Variants in OTUD7A observed in about 807,000 individuals in gnomAD.
OTUD7A encodes the protein OTU deubiquitinase 7A.
Under a neutral mutation model 65.7 loss-of-function variants are expected in OTUD7A, and 12 were observed. The observed-to-expected ratio is 0.18, with a 90% CI of 0.12 to 0.30. The LOEUF (loss-of-function observed/expected upper bound fraction) is 0.30. OTUD7A is among the 10% of genes least tolerant of loss of function. The probability of loss-of-function intolerance (pLI) is 1.00; values close to 1 mark genes in which losing one functional copy is unlikely to be tolerated. For synonymous variants in OTUD7A, 641 were observed against 586.3 expected (o/e 1.09, Z -1.35); for missense variants, 1,148 against 1,304.8 (o/e 0.88, Z 1.85).
In OTUD7A at chr15:31,782,616, C is replaced by A. The variant is rs556331221; in HGVS notation, c.-100+87891G>T. Among the ~76,000 whole-genome samples the A allele has an allele frequency of 1.3e-4, 20 of 152,316 alleles. No individual in the cohort carries two copies. In the East Asian group the frequency reaches 3.9e-3, roughly 29 times the overall value. ...CTGGTGAAGGGTGGCGGCAGCAGTA[C>A]TGGCCAGAGGCGCTGGGACCCAGGA... On this transcript the variant is annotated intron_variant, in intron 1 of 12. Coordinates refer to ENST00000307050, the MANE Select transcript of OTUD7A (RefSeq NM_001382637.1).
At chr15:31,821,849 T>G (rs1896690695) in intron 1 of OTUD7A, among the ~76,000 whole-genome samples, 1 of 152,242 alleles carries the variant, frequency 6.6e-6, no homozygotes, top group Admixed American at 6.5e-5. Flanking sequence ...TTGGTTTTTG[T>G]GTTGTAATGA....
At chr15:31,606,899 C>T (rs528339670) in intron 3 of OTUD7A, among the ~76,000 whole-genome samples, 10 of 152,236 alleles carry the variant, frequency 6.6e-5, no homozygotes, top group African/African-American at 2.4e-4. Flanking sequence ...TACTACTGTC[C>T]GCTTATTCCA....
chr15:31,757,656 ATC>A (rs1894853215), intron 1 of OTUD7A, among the ~76,000 whole-genome samples: 1 of 152,140 alleles, frequency 6.6e-6, no homozygotes, highest in African/African-American at 2.4e-5. Context: ...AGGAGACAAA[ATC>A]TCTCTTCCAA....
intron 1 of OTUD7A, among the ~76,000 whole-genome samples, chr15:31,658,839 C>T (rs1892068782): frequency 6.7e-6 from 1 of 150,040 alleles, no homozygotes; most frequent in African/African-American, 2.5e-5. Context: ...GGCAGCCTGG[C>T]CAACATGGTG....
In OTUD7A at chr15:31,742,704, C is replaced by T. The variant is rs552315283; in HGVS notation, c.-99-85627G>A. Among the ~76,000 whole-genome samples the T allele has an allele frequency of 2.0e-5, 3 of 152,084 alleles. No homozygotes were observed. The South Asian group carries it at 6.2e-4, about 31-fold the overall frequency. On this transcript the variant is annotated intron_variant, in intron 1 of 12. Transcript: ENST00000307050. ...TTAAGTCAGAGATAGAAAAGCAAAA[C>T]CCGAATAGACTTTATTTACAGATAC...
chr15:31,636,616 G>A (rs1446583925), intron 3 of OTUD7A, among the ~76,000 whole-genome samples: 3 of 152,100 alleles, frequency 2.0e-5, no homozygotes, highest in South Asian at 4.1e-4. Flanking sequence ...TAGTGAGGAA[G>A]GCATTTTAAA....
intron 5 of OTUD7A, among the ~76,000 whole-genome samples, chr15:31,551,985 G>A (rs1281367937): frequency 6.6e-6 from 1 of 152,206 alleles, no homozygotes. Flanking sequence ...CCAATGTTGA[G>A]GGGGGCCTGG....
In OTUD7A at chr15:31,487,181, C is replaced by T. The variant is rs761436604; in HGVS notation, c.1371+13G>A. 2.5e-6 allele frequency: 4 copies of T among 1,612,126 alleles called. No homozygotes were observed. The highest frequency in any genetic ancestry group is 1.1e-5 in the South Asian group (1 of 90,842). On this transcript the variant is annotated intron_variant, in intron 12 of 12. Coordinates refer to ENST00000307050, the MANE Select transcript of OTUD7A (RefSeq NM_001382637.1). This position sits in a 1 kb window ranked among gnomAD's most constrained non-coding sequence, Gnocchi z 6.0. ...CCTGCTGCCAGGTCTGGTCCCAGCA[C>T]AGCCAGGCTCACCCGTGTCTCGGAG...
intron 1 of OTUD7A, among the ~76,000 whole-genome samples, chr15:31,710,231 T>C (rs1468883358): frequency 1.3e-5 from 2 of 149,692 alleles, no homozygotes; most frequent in African/African-American, 4.9e-5. Context: ...GTCTTTTTTG[T>C]AATCAGAAAA....
chr15:31,579,068 T>C (rs779991983), intron 3 of OTUD7A, among the ~76,000 whole-genome samples: 9 of 152,154 alleles, frequency 5.9e-5, no homozygotes, highest in Non-Finnish European at 1.0e-4. Flanking sequence ...GAGAATCAAA[T>C]ATGCACAAAA....
intron 5 of OTUD7A, among the ~76,000 whole-genome samples, chr15:31,551,262 G>A (rs1888314247): frequency 6.6e-6 from 1 of 152,154 alleles, no homozygotes; most frequent in Non-Finnish European, 1.5e-5. Context: ...AGAATGTGGT[G>A]CCCGAGATAA....
chr15:31,832,826 A>C (rs1896968522), intron 1 of OTUD7A, among the ~76,000 whole-genome samples: 1 of 152,154 alleles, frequency 6.6e-6, no homozygotes, highest in Admixed American at 6.5e-5. Flanking sequence ...AATATGCCAG[A>C]TTTTGCTTAT....
chr15:31,576,626 C>T (rs1456043361), intron 3 of OTUD7A, among the ~76,000 whole-genome samples: 1 of 152,164 alleles, frequency 6.6e-6, no homozygotes, highest in Non-Finnish European at 1.5e-5. Flanking sequence ...ACCTTGGGTA[C>T]ATGCACTCAG....
At chr15:31,545,509 A>C (rs1888103134) in intron 5 of OTUD7A, among the ~76,000 whole-genome samples, 1 of 152,138 alleles carries the variant, frequency 6.6e-6, no homozygotes, top group Admixed American at 6.6e-5. Flanking sequence ...TTGGCAATAC[A>C]CACCTGACAA....
chr15:31,800,139 A>C (rs1309841891), intron 1 of OTUD7A, among the ~76,000 whole-genome samples: 1 of 152,156 alleles, frequency 6.6e-6, no homozygotes, highest in African/African-American at 2.4e-5. Context: ...TTAATAACAC[A>C]AGGTACTCAG....
chr15:31,769,893 T>C (rs1895188986), intron 1 of OTUD7A, among the ~76,000 whole-genome samples: 1 of 152,206 alleles, frequency 6.6e-6, no homozygotes, highest in African/African-American at 2.4e-5. Context: ...ATTGTGATAG[T>C]GGTTAAATAA....
At chr15:31,550,922 C>T (rs1888302225) in intron 5 of OTUD7A, among the ~76,000 whole-genome samples, 2 of 152,144 alleles carry the variant, frequency 1.3e-5, no homozygotes, top group East Asian at 1.9e-4. Context: ...CAGAGAAACA[C>T]CTGAATGCTC....
At chr15:31,610,617 A>ATATTTTTTTTTTTTTTTTTTTTTTT in intron 3 of OTUD7A, among the ~76,000 whole-genome samples, 1 of 30,562 alleles carries the variant, frequency 3.3e-5, no homozygotes, top group Non-Finnish European at 4.9e-5. Context: ...ATATATATAT[A>ATATTTTTTTTTTTTTTTTTTTTTTT]TTTTTTTTTT....
intron 3 of OTUD7A, among the ~76,000 whole-genome samples, chr15:31,627,074 G>T (rs1036117402): frequency 9.9e-5 from 15 of 151,870 alleles, no homozygotes; most frequent in Admixed American, 5.3e-4. Flanking sequence ...AGGTTAGGGT[G>T]GCTATGGCAA....
Sources: allele counts gnomAD v4.1 joint callset (sites outside exome capture counted in the v4.1 genomes callset), GRCh38; gene constraint gnomAD v4.1.1; non-coding constraint Gnocchi (gnomAD v3.1); transcripts MANE v1.5; gene names NCBI Gene and HGNC (gene_info 2026-07-23, HGNC 2026-07-21).